N4BP2L2: variants seen among roughly 807,000 people sequenced by gnomAD.
The protein encoded by N4BP2L2 is NEDD4-binding protein 2-like 2.
N4BP2L2 carries 50 observed loss-of-function variants against 56.2 expected under a neutral mutation model. The ratio of observed to expected loss-of-function variants is 0.89; its 90% CI spans 0.71 to 1.13. The LOEUF (loss-of-function observed/expected upper bound fraction) is 1.13. Among genes scored for constraint, N4BP2L2 ranks in the 50% most tolerant of loss-of-function variants. The pLI, the probability that N4BP2L2 is intolerant of heterozygous loss-of-function variation, is 0.00. For synonymous variants in N4BP2L2, 203 were observed against 223.6 expected (o/e 0.91, Z 0.82); for missense variants, 689 against 693.8 (o/e 0.99, Z 0.08).
intron 6 of N4BP2L2, among the ~76,000 whole-genome samples, chr13:32,449,613 A>G (rs1048008197): frequency 1.3e-5 from 2 of 152,224 alleles, no homozygotes; most frequent in Non-Finnish European, 1.5e-5. Flanking sequence ...TGAACTAACC[A>G]GCTTTCTGTC....
At chr13:32,511,342 AATC>A (rs1290520186) in exon 6 of N4BP2L2, 2 of 152,332 alleles carry the variant, frequency 1.3e-5, no homozygotes, top group East Asian at 3.9e-4. Context: ...TTTCCTTCAA[AATC>A]ATTCAGTTAA....
Position 32,442,484 on chromosome 13 carries a change from A to T in N4BP2L2, c.2008T>A (p.Leu670Ile). 1.2e-6 allele frequency: 2 copies of T among 1,613,712 alleles called. 1 individual carries two copies. The highest frequency in any genetic ancestry group is 2.2e-5 in the South Asian group (2 of 90,990). ...AGGGAACGGTAGTCAGTGCTTGTTA[A>T]GTCTTGGCTGTCCTCAGCTGGTAAT... is the stretch of plus-strand genomic sequence containing the variant. The change falls in exon 7 of 10, where the codon TTA becomes ATA. Residue 670 changes from leucine (L) to isoleucine (I), a missense_variant. Transcript: ENST00000357505.
At chr13:32,458,631 A>T (rs1272278688) in intron 6 of N4BP2L2, among the ~76,000 whole-genome samples, 1 of 152,226 alleles carries the variant, frequency 6.6e-6, no homozygotes, top group Non-Finnish European at 1.5e-5. Context: ...GCACCCAGAT[A>T]TATAAAGCTA....
chr13:32,484,612 T>C (rs1216400397), intron 6 of N4BP2L2, among the ~76,000 whole-genome samples: 1 of 152,112 alleles, frequency 6.6e-6, no homozygotes, highest in East Asian at 1.9e-4. Context: ...GCCTCCCAAG[T>C]AGCTGGGATT....
At chr13:32,536,960 C>T in exon 2 of N4BP2L2, 10 of 1,612,720 alleles carry the variant, frequency 6.2e-6, no homozygotes, top group African/African-American at 1.3e-5. Context: ...CAATTTTTTA[C>T]AGCGTGGCTC....
chr13:32,534,905 T>C (rs915640203), intron 2 of N4BP2L2, among the ~76,000 whole-genome samples: 2 of 152,186 alleles, frequency 1.3e-5, no homozygotes, highest in Non-Finnish European at 2.9e-5. Context: ...TGCATAAACA[T>C]ATTCAAGTGC....
intron 7 of N4BP2L2, among the ~76,000 whole-genome samples, chr13:32,439,779 G>A (rs2858139): frequency 0.35 from 53,304 of 150,468 alleles, 10,836 homozygotes; most frequent in East Asian, 0.68. Flanking sequence ...TTGGGAGGCC[G>A]AGGTGGGTGG....
intron 3 of N4BP2L2, among the ~76,000 whole-genome samples, chr13:32,526,199 C>G (rs1221728485): frequency 6.6e-6 from 1 of 152,122 alleles, no homozygotes; most frequent in Non-Finnish European, 1.5e-5. Flanking sequence ...GTTTCTGCAA[C>G]AAGTTAATGG....
chr13:32,463,326 T>A, intron 6 of N4BP2L2, among the ~76,000 whole-genome samples: 1 of 151,956 alleles, frequency 6.6e-6, no homozygotes, highest in East Asian at 1.9e-4. Flanking sequence ...TGGGACACCA[T>A]CAAGTACACC....
intron 6 of N4BP2L2, among the ~76,000 whole-genome samples, chr13:32,480,011 A>T (rs408069): frequency 0.33 from 49,587 of 151,590 alleles, 8,549 homozygotes; most frequent in East Asian, 0.47. Flanking sequence ...CCCACAGATT[A>T]AAAAAAAATG....
At chr13:32,444,395 G>C (rs1360925854) in intron 6 of N4BP2L2, among the ~76,000 whole-genome samples, 2 of 152,112 alleles carry the variant, frequency 1.3e-5, no homozygotes, top group Non-Finnish European at 2.9e-5. Context: ...CTCGCAAGTA[G>C]CTGGTATTAT....
intron 6 of N4BP2L2, among the ~76,000 whole-genome samples, chr13:32,455,748 T>C (rs2078872930): frequency 1.3e-5 from 2 of 152,140 alleles, no homozygotes; most frequent in African/African-American, 4.8e-5. Context: ...CCCTGGGGCC[T>C]GAGGATTGCC....
At chr13:32,536,202 C>T (rs758517880) in exon 2 of N4BP2L2, 1 of 1,613,560 alleles carries the variant, frequency 6.2e-7, no homozygotes, top group Admixed American at 1.7e-5. Flanking sequence ...CCATAGGGCA[C>T]TATAAAAGGA....
At chr13:32,536,704 T>C in exon 2 of N4BP2L2, 9 of 1,614,146 alleles carry the variant, frequency 5.6e-6, no homozygotes, top group Non-Finnish European at 7.6e-6. Context: ...CGGATACTAA[T>C]GGAGGACGTG....
Position 32,535,910 on chromosome 13 carries a change from C to T in N4BP2L2, c.1118G>A (p.Trp373Ter). The change falls in exon 2 of 6, where the codon TGG (tryptophan) becomes TAG (stop). Residue 373 changes from tryptophan (W) to a stop codon, truncating the protein, a stop_gained. Coordinates refer to ENST00000267068, the Ensembl canonical transcript of N4BP2L2. LOFTEE classifies it high-confidence loss of function. ...ATGCTTGTCCATACAATGATCTTTCCAGCATCTTTCTCTGACTTCACAGAA... is the reference window on the plus strand; with the variant it reads ...ATGCTTGTCCATACAATGATCTTTCTAGCATCTTTCTCTGACTTCACAGAA... 1 of 1,614,070 alleles carries T rather than the reference C, an allele frequency of 6.2e-7. No individual in the cohort carries two copies. Among genetic ancestry groups the T allele is most frequent in the Non-Finnish European group, 8.5e-7 (1 of 1,180,026 alleles).
chr13:32,444,111 C>A, exon 7 of N4BP2L2: 1 of 1,515,496 alleles, frequency 6.6e-7, no homozygotes. Context: ...GCCCAGTTTT[C>A]TTCAAAACTC....
At chr13:32,521,553 C>T (rs553870351) in intron 4 of N4BP2L2, 104 bp from the exon 5 acceptor site, 24 of 705,970 alleles carry the variant, frequency 3.4e-5, no homozygotes, top group African/African-American at 5.5e-5. Flanking sequence ...TACACTTGCT[C>T]GACCAAGAAA....
intron 3 of N4BP2L2, chr13:32,522,485 C>T: frequency 3.0e-6 from 1 of 329,730 alleles, no homozygotes; most frequent in Non-Finnish European, 5.4e-6. Context: ...AGACTGGATG[C>T]TGGCTTTGAC....
intron 6 of N4BP2L2, among the ~76,000 whole-genome samples, chr13:32,481,306 G>C (rs2084696495): frequency 2.6e-5 from 4 of 152,010 alleles, no homozygotes; most frequent in African/African-American, 9.7e-5. Flanking sequence ...CATAGTCAAA[G>C]CTCCACGTAC....
Sources: allele counts gnomAD v4.1 joint callset (sites outside exome capture counted in the v4.1 genomes callset), GRCh38; gene constraint gnomAD v4.1.1; transcripts MANE v1.5; gene names NCBI Gene and HGNC (gene_info 2026-07-23, HGNC 2026-07-21).